Variants in CFAP61 observed in about 807,000 individuals in gnomAD.
CFAP61 encodes the protein cilia- and flagella-associated protein 61.
CFAP61 carries 107 observed loss-of-function variants against 135.6 expected under a neutral mutation model. That is an observed-to-expected ratio of 0.79 (90% confidence interval 0.67 to 0.93). The LOEUF is 0.93. Ranked by LOEUF, CFAP61 falls within the 40% of genes least tolerant of loss-of-function variation. The probability of loss-of-function intolerance (pLI) is 0.00; values close to 1 mark genes in which losing one functional copy is unlikely to be tolerated. For missense variants in CFAP61, 1,507 were observed against 1,556.2 expected (o/e 0.97, Z 0.53); for synonymous variants, 575 against 578.5 (o/e 0.99, Z 0.09).
At chr20:20,270,744 C>T (rs896427755) in intron 21 of CFAP61, among the ~76,000 whole-genome samples, 1 of 151,210 alleles carries the variant, frequency 6.6e-6, no homozygotes, top group African/African-American at 2.4e-5. Flanking sequence ...AATTGTGGCT[C>T]ATGCAACCTC....
intron 3 of CFAP61, among the ~76,000 whole-genome samples, chr20:20,072,336 C>T (rs2045779137): frequency 1.3e-5 from 2 of 151,710 alleles, no homozygotes; most frequent in Non-Finnish European, 2.9e-5. Context: ...AGGATGGTCT[C>T]GATCTCCTGA....
At chr20:20,194,127 T>C (rs149434422) in intron 15 of CFAP61, among the ~76,000 whole-genome samples, 2 of 152,342 alleles carry the variant, frequency 1.3e-5, no homozygotes, top group African/African-American at 4.8e-5. Flanking sequence ...CTTCTATGAT[T>C]TCATTAATTA....
At chr20:20,058,997 T>A (rs532123734) in intron 2 of CFAP61, among the ~76,000 whole-genome samples, 1 of 152,096 alleles carries the variant, frequency 6.6e-6, no homozygotes, top group Non-Finnish European at 1.5e-5. Flanking sequence ...AAAATAACTA[T>A]GTTTACTATG....
At chr20:20,197,813 A>G (rs1401727502) in intron 16 of CFAP61, among the ~76,000 whole-genome samples, 2 of 152,220 alleles carry the variant, frequency 1.3e-5, no homozygotes, top group Non-Finnish European at 2.9e-5. Flanking sequence ...TAGAACAGGT[A>G]GAAGTTGTCC....
intron 26 of CFAP61, among the ~76,000 whole-genome samples, chr20:20,351,222 A>G (rs937501752): frequency 6.6e-6 from 1 of 152,200 alleles, no homozygotes; most frequent in Non-Finnish European, 1.5e-5. Flanking sequence ...AGACTCCACC[A>G]AAAAACTTTT....
intron 17 of CFAP61, among the ~76,000 whole-genome samples, chr20:20,214,008 T>G (rs1301435222): frequency 6.6e-6 from 1 of 151,462 alleles, no homozygotes; most frequent in Non-Finnish European, 1.5e-5. Flanking sequence ...GAGCAAAGGC[T>G]TCTTGGAGTT....
chr20:20,332,663 C>T (rs1329001693), intron 25 of CFAP61, among the ~76,000 whole-genome samples: 1 of 152,190 alleles, frequency 6.6e-6, no homozygotes, highest in Non-Finnish European at 1.5e-5. Flanking sequence ...GTTGCCCAGG[C>T]TTGAGTTCTG....
At chr20:20,215,482 A>T (rs1239927020) in intron 17 of CFAP61, among the ~76,000 whole-genome samples, 1 of 152,248 alleles carries the variant, frequency 6.6e-6, no homozygotes, top group African/African-American at 2.4e-5. Context: ...AATCACTGGC[A>T]TGCCATGGGG....
intron 10 of CFAP61, among the ~76,000 whole-genome samples, chr20:20,160,473 C>G (rs1210392095): frequency 6.6e-6 from 1 of 152,204 alleles, no homozygotes; most frequent in Non-Finnish European, 1.5e-5. Context: ...ATGGCTAACA[C>G]TGAACCAGAG....
chr20:20,078,106 T>C (rs749256259), intron 6 of CFAP61, among the ~76,000 whole-genome samples: 1 of 152,268 alleles, frequency 6.6e-6, no homozygotes, highest in Non-Finnish European at 1.5e-5. Context: ...TTGTATCTTA[T>C]TCCTACAAAG....
chr20:20,319,028 G>A (rs115298386), intron 25 of CFAP61, among the ~76,000 whole-genome samples: 41 of 152,298 alleles, frequency 2.7e-4, no homozygotes, highest in African/African-American at 9.6e-4. Context: ...GGAAGGAGCC[G>A]GAGAAGACAA....
At chr20:20,253,458 G>T in intron 20 of CFAP61, 1 of 328,784 alleles carries the variant, frequency 3.0e-6, no homozygotes, top group East Asian at 9.8e-5. Context: ...ACCTGACCCT[G>T]AGCTCTGTGA....
chr20:20,338,049 G>T (rs533747837), intron 25 of CFAP61, among the ~76,000 whole-genome samples: 30 of 152,120 alleles, frequency 2.0e-4, no homozygotes, highest in Admixed American at 1.9e-3. Flanking sequence ...CTGGCCTTGG[G>T]TATCTGTTTG....
chr20:20,123,651 T>C (rs1028411630), intron 8 of CFAP61, among the ~76,000 whole-genome samples: 2 of 151,244 alleles, frequency 1.3e-5, no homozygotes, highest in Non-Finnish European at 3.0e-5. Flanking sequence ...ACTCTCATGC[T>C]GTTTTGGTGG....
intron 18 of CFAP61, among the ~76,000 whole-genome samples, chr20:20,233,588 C>A (rs559875490): frequency 6.6e-6 from 1 of 152,162 alleles, no homozygotes; most frequent in Non-Finnish European, 1.5e-5. Context: ...GTGGAAGGAG[C>A]TTTACCTGCC....
intron 13 of CFAP61, among the ~76,000 whole-genome samples, chr20:20,174,580 T>C (rs1021683343): frequency 6.6e-6 from 1 of 152,174 alleles, no homozygotes; most frequent in African/African-American, 2.4e-5. Context: ...TCAGTTCCTG[T>C]AGGGAGGACA....
rs560055474 is a variant in CFAP61 at position 20,097,818 on chromosome 20, A to G, written c.700-837A>G. ...CTTCCTTCCCTCATATCTCCTCCCT[A>G]TCAGACTATCCAGTTAATAAATAAG... On this transcript the variant is annotated intron_variant, in intron 7 of 26. Coordinates refer to ENST00000245957, the MANE Select transcript of CFAP61 (RefSeq NM_015585.4). 6.3e-4 allele frequency among the ~76,000 whole-genome samples: 96 copies of G among 152,332 alleles called. No individual in the cohort carries two copies. The South Asian group carries it at 0.019, about 31-fold the overall frequency.
intron 25 of CFAP61, among the ~76,000 whole-genome samples, chr20:20,340,719 C>T (rs373847746): frequency 3.9e-5 from 6 of 152,092 alleles, no homozygotes; most frequent in East Asian, 3.9e-4. Context: ...GGTGGGAGCT[C>T]CGATGGTGCC....
At chr20:20,104,091 C>G (rs1359162830) in intron 8 of CFAP61, among the ~76,000 whole-genome samples, 1 of 152,162 alleles carries the variant, frequency 6.6e-6, no homozygotes, top group Non-Finnish European at 1.5e-5. Context: ...AGAGATTTCA[C>G]TTTACATAAT....
Sources: gnomAD v4.1 joint callset for allele counts (sites outside exome capture counted in the v4.1 genomes callset) on GRCh38, gnomAD v4.1.1 for gene constraint, MANE v1.5 for transcripts, NCBI Gene and HGNC (gene_info 2026-07-23, HGNC 2026-07-21) for gene names.